Variants in CYP4A11 observed in about 807,000 individuals in gnomAD.
The protein encoded by CYP4A11 is cytochrome P450 4A11.
In CYP4A11, 52 loss-of-function variants were observed where a neutral mutation model predicts 57.7. The observed-to-expected ratio is 0.90, with a 90% CI of 0.72 to 1.14. The LOEUF (loss-of-function observed/expected upper bound fraction) is 1.14. CYP4A11 is among the 50% of genes most tolerant of loss of function. CYP4A11 has a pLI of 0.00. For missense variants in CYP4A11, 641 were observed against 642.1 expected, an observed-to-expected ratio of 1.00 and a Z score of 0.02; for synonymous variants, 228 against 247.1, an observed-to-expected ratio of 0.92 and a Z score of 0.72.
intron 8 of CYP4A11, 39 bp from the exon 9 acceptor site, chr1:46,934,118 C>A (rs1346336445): frequency 2.5e-6 from 4 of 1,610,296 alleles, no homozygotes; most frequent in South Asian, 2.2e-5. Context: ...AAGGCCTGGG[C>A]AGACCAGGGG....
intron 1 of CYP4A11, 113 bp downstream of exon 1, chr1:46,941,126 T>C (rs543540764): frequency 6.8e-7 from 1 of 1,474,534 alleles, no homozygotes. Context: ...GGGTGTTCCT[T>C]TGAGTCCTCA....
chr1:46,934,455 T>G lies in CYP4A11; in HGVS notation c.895A>C (p.Lys299Gln), dbSNP rs778552906. 6.2e-7 allele frequency: 1 copy of G among 1,613,724 alleles called. No homozygotes were observed. Among genetic ancestry groups the G allele is most frequent in the Non-Finnish European group, 8.5e-7 (1 of 1,179,784 alleles). ...AGGCCTCTCCTACACATACTCACTT[T>G]GGCCAAGAGGAGGATATCCAGAAAA... Reference protein sequence around the residue: ...LDFLDILLLAKMENGSILSDK... With the variant: ...LDFLDILLLAQMENGSILSDK... Residue 299 changes from lysine (K) to glutamine (Q), a missense_variant and splice_region_variant, in exon 7 of 12, where the codon AAA becomes CAA. Coordinates refer to ENST00000310638, the MANE Select transcript of CYP4A11 (RefSeq NM_000778.4).
chr1:46,932,162 G>A (rs1681066484), intron 11 of CYP4A11: 2 of 987,116 alleles, frequency 2.0e-6, no homozygotes, highest in Non-Finnish European at 2.4e-6. Flanking sequence ...ATTTCATTGG[G>A]CAAGACAGAA....
intron 1 of CYP4A11, 47 bp downstream of exon 1, chr1:46,941,192 C>T: frequency 1.9e-6 from 3 of 1,579,972 alleles, no homozygotes; most frequent in Non-Finnish European, 2.6e-6. Flanking sequence ...GGTCTCAGAG[C>T]CCCATCCCTC....
At chr1:46,940,972 C>A in intron 1 of CYP4A11, 1 of 985,336 alleles carries the variant, frequency 1.0e-6, no homozygotes, top group Non-Finnish European at 1.2e-6. Flanking sequence ...TCAGGCATTG[C>A]CCTCCACATG....
chr1:46,936,807 ATGTGTGTTTGTGTGTG>A lies in CYP4A11; in HGVS notation c.383-32_383-17del, dbSNP rs772827262. The A allele has an allele frequency of 6.5e-7, 1 of 1,535,534 alleles. No individual in the cohort carries two copies. The highest frequency in any genetic ancestry group is 1.2e-5 in the South Asian group (1 of 86,062). ...AAGCCGTACCCTAAGAGAGACATGA[ATGTGTGTTTGTGTGTG>A]TGTGTGTGTGTGTGTGTGTGTCAGG... On this transcript the variant is annotated splice_polypyrimidine_tract_variant and intron_variant, in intron 3 of 11. Coordinates refer to ENST00000310638, the MANE Select transcript of CYP4A11 (RefSeq NM_000778.4).
chr1:46,934,906 CA>C, intron 6 of CYP4A11, 93 bp downstream of exon 6: 1 of 1,543,332 alleles, frequency 6.5e-7, no homozygotes, highest in Non-Finnish European at 8.7e-7. Context: ...CTGCGTTCTG[CA>C]GGGTTACTAG....
intron 1 of CYP4A11, chr1:46,940,984 A>G (rs1681713873): frequency 1.0e-6 from 1 of 985,276 alleles, no homozygotes; most frequent in Non-Finnish European, 1.2e-6. Flanking sequence ...CTCCACATGC[A>G]GGACTGCCAA....
chr1:46,939,370 G>A (rs574576170), intron 1 of CYP4A11, among the ~76,000 whole-genome samples: 12 of 152,270 alleles, frequency 7.9e-5, no homozygotes, highest in African/African-American at 2.4e-4. Context: ...GGAATTTTCA[G>A]TCTAGTTGGG....
chr1:46,932,789 C>T lies in CYP4A11; in HGVS notation c.1336G>A (p.Ala446Thr), dbSNP rs556756716. The change falls in exon 11 of 12, where the codon GCT (alanine) becomes ACT (threonine). Residue 446 changes from alanine (A) to threonine (T), a missense_variant. By Grantham distance (58) the Ala-to-Thr change is moderately conservative. Transcript: ENST00000310638. ...GATCCTCCTGAGAAGGGCAGGAAAG[C>T]GTGGCTGTGTTGAGCAGAACCCGGT... ...FAPGSAQHSHAFLPFSGGSRN... is the reference protein window; with the variant it reads ...FAPGSAQHSHTFLPFSGGSRN... 13 of 1,614,162 alleles carry T rather than the reference C, an allele frequency of 8.1e-6. No homozygotes were observed. Among genetic ancestry groups the T allele is most frequent in the South Asian group, 5.5e-5 (5 of 91,078 alleles).
rs1370317282 is a variant in CYP4A11, at chr1:46,934,204, G to A, written c.1060C>T (p.Leu354Phe). 2 of 1,613,842 alleles carry A rather than the reference G, an allele frequency of 1.2e-6. No individual in the cohort carries two copies. Among genetic ancestry groups the A allele is most frequent in the Non-Finnish European group, 8.5e-7 (1 of 1,179,922 alleles). The stretch of plus-strand genomic sequence containing the variant: ...GTGATGGAGGCTCCATCACCCAGGA[G>A]GCTGTGGATCTCCTCCCGGCACCTC... Reference protein sequence around the residue: ...QERCREEIHSLLGDGASITWN... With the variant: ...QERCREEIHSFLGDGASITWN... Residue 354 changes from leucine (L) to phenylalanine (F), a missense_variant, in exon 8 of 12, where the codon CTC (leucine) becomes TTC (phenylalanine). Physicochemically the swap from Leu to Phe is conservative, Grantham distance 22 (BLOSUM62 0). Coordinates refer to ENST00000310638, the MANE Select transcript of CYP4A11 (RefSeq NM_000778.4).
At position 46,934,009 on chromosome 1, in the gene CYP4A11, G is replaced by A; in HGVS notation, c.1159C>T (p.Pro387Ser). 1 of 1,614,012 alleles carries A rather than the reference G, an allele frequency of 6.2e-7. No homozygotes were observed. Among genetic ancestry groups the A allele is most frequent in the Non-Finnish European group, 8.5e-7 (1 of 1,180,008 alleles). ...KEALRLYPPVPGIGRELSTPV... is the reference protein window; with the variant it reads ...KEALRLYPPVSGIGRELSTPV... The stretch of plus-strand genomic sequence containing the variant: ...GTGCTGAGCTCTCTGCCAATGCCTG[G>A]CACCGGTGGGTAGAGCCTCAGTGCC... Residue 387 changes from proline to serine, a missense_variant, in exon 9 of 12, where the codon CCA becomes TCA. Coordinates refer to ENST00000310638, the MANE Select transcript of CYP4A11 (RefSeq NM_000778.4).
At position 46,932,847 on chromosome 1, in the gene CYP4A11, G is replaced by C; in HGVS notation, c.1288-10C>G. The C allele has an allele frequency of 6.2e-7, 1 of 1,614,200 alleles. No individual in the cohort carries two copies. Among genetic ancestry groups the C allele is most frequent in the Non-Finnish European group, 8.5e-7 (1 of 1,180,028 alleles). Reference sequence around the variant, plus strand: ...GGAAAGGGTCAAACACCTGCAGAGAGAGCACCAGAGCCAGGATAGTTAAGG... The same window carrying C: ...GGAAAGGGTCAAACACCTGCAGAGACAGCACCAGAGCCAGGATAGTTAAGG... On this transcript the variant is annotated splice_polypyrimidine_tract_variant and intron_variant, in intron 10 of 11. Transcript: ENST00000310638.
chr1:46,935,357 T>G (rs1318311782), intron 5 of CYP4A11, among the ~76,000 whole-genome samples, 166 bp downstream of exon 5: 1 of 152,224 alleles, frequency 6.6e-6, no homozygotes, highest in African/African-American at 2.4e-5. Flanking sequence ...GAATTAGGCA[T>G]CTGTTCCTGA....
intron 1 of CYP4A11, 194 bp downstream of exon 1, chr1:46,941,045 C>A (rs1317988875): frequency 5.2e-6 from 5 of 970,860 alleles, no homozygotes; most frequent in Non-Finnish European, 6.1e-6. Flanking sequence ...AGCTGAGGAC[C>A]AGCAGGATGG....
chr1:46,932,711 C>T (rs750471864), intron 11 of CYP4A11, 50 bp downstream of exon 11: 20 of 1,613,930 alleles, frequency 1.2e-5, no homozygotes, highest in Non-Finnish European at 1.5e-5. Flanking sequence ...GAGGGTTGAC[C>T]AGAGACTTCC....
intron 11 of CYP4A11, chr1:46,932,494 A>T (rs930347524): frequency 9.6e-6 from 13 of 1,348,386 alleles, no homozygotes; most frequent in Non-Finnish European, 1.2e-5. Flanking sequence ...ACATGAATAT[A>T]CTGAAGTTTG....
intron 1 of CYP4A11, among the ~76,000 whole-genome samples, chr1:46,938,617 G>C (rs967408797): frequency 3.9e-5 from 6 of 152,078 alleles, no homozygotes; most frequent in African/African-American, 1.4e-4. Context: ...ATGTGTATTG[G>C]TAAGCAAAAA....
chr1:46,941,377 G>T lies in CYP4A11; in HGVS notation c.57C>A (p.Leu19=), dbSNP rs777081864. Residue 19 remains leucine, a synonymous_variant, in exon 1 of 12, where the codon CTC becomes CTA. Coordinates refer to ENST00000310638, the MANE Select transcript of CYP4A11 (RefSeq NM_000778.4). ...GCAGAATGAGCAGGGAGGCCGCTTG[G>T]AGGATTCCAGAGACATCACCCAGGA... The part of the protein sequence containing the change: ...SRLLGDVSGI[L]QAASLLILLL... 70 of 1,614,054 alleles carry T rather than the reference G, an allele frequency of 4.3e-5. No homozygotes were observed. Among genetic ancestry groups the T allele is most frequent in the Non-Finnish European group, 5.8e-5 (69 of 1,180,038 alleles).
Sources: gnomAD v4.1 joint callset for allele counts (sites outside exome capture counted in the v4.1 genomes callset) on GRCh38, gnomAD v4.1.1 for gene constraint, MANE v1.5 for transcripts, NCBI Gene and HGNC (gene_info 2026-07-23, HGNC 2026-07-21) for gene names.